Variants in RUSC1 observed in about 807,000 individuals in gnomAD.
RUSC1 encodes RUN and SH3 domain containing 1.
RUSC1 carries 40 observed loss-of-function variants against 72.1 expected under a neutral mutation model. That is an observed-to-expected ratio of 0.55 (90% CI 0.43 to 0.72). The LOEUF (loss-of-function observed/expected upper bound fraction) is 0.72. RUSC1 is among the 30% of genes least tolerant of loss of function. The probability of loss-of-function intolerance (pLI) is 0.00; values close to 1 mark genes in which losing one functional copy is unlikely to be tolerated. For missense variants in RUSC1, 1,092 were observed against 1,172.3 expected (o/e 0.93, Z 1.00); for synonymous variants, 512 against 494.2 (o/e 1.04, Z -0.48).
chr1:155,321,939 A>G lies in RUSC1; in HGVS notation c.166A>G (p.Ser56Gly). Reference protein sequence around the residue: ...TGGKESRGPCSGTLVDANSNS... With the variant: ...TGGKESRGPCGGTLVDANSNS... Reference sequence around the variant, plus strand: ...GGGCAAGGAGAGCAGGGGCCCCTGCAGTGGCACCCTGGTGGACGCCAATTC... The same window carrying G: ...GGGCAAGGAGAGCAGGGGCCCCTGCGGTGGCACCCTGGTGGACGCCAATTC... The change falls in exon 2 of 10, where the codon AGT becomes GGT. Residue 56 changes from serine to glycine, a missense_variant. Coordinates refer to ENST00000368352, the MANE Select transcript of RUSC1 (RefSeq NM_001105203.2). The G allele has an allele frequency of 6.2e-7, 1 of 1,604,304 alleles. No individual in the cohort carries two copies. Among genetic ancestry groups the G allele is most frequent in the Non-Finnish European group, 8.5e-7 (1 of 1,175,328 alleles).
chr1:155,322,973 G>GGCC lies in RUSC1; in HGVS notation c.1200_1201insGCC (p.Arg400_Pro401insAla). The GGCC allele has an allele frequency of 1.4e-6, 2 of 1,463,516 alleles. No individual in the cohort carries two copies. Among genetic ancestry groups the GGCC allele is most frequent in the Non-Finnish European group, 1.8e-6 (2 of 1,088,414 alleles). 90.7% of individuals were successfully genotyped at this position (1,463,516 alleles called of 1,614,324 possible). ...TTGGCTGGGCTTTGGTCCCGCCCCG[G>GGCC]CCCCCACCCCCGCCTGTCCCTCCCC... On this transcript the variant is annotated inframe_insertion, in exon 2 of 10. Coordinates refer to ENST00000368352, the MANE Select transcript of RUSC1 (RefSeq NM_001105203.2).
At position 155,325,373 on chromosome 1, in the gene RUSC1, C is replaced by T; in HGVS notation, c.1591C>T (p.Leu531Phe). The T allele has an allele frequency of 6.3e-7, 1 of 1,595,698 alleles. No homozygotes were observed. Among genetic ancestry groups the T allele is most frequent in the Non-Finnish European group, 8.5e-7 (1 of 1,175,356 alleles). Residue 531 changes from leucine to phenylalanine, a missense_variant, in exon 5 of 10, where the codon CTC becomes TTC. Physicochemically the swap from Leu to Phe is conservative, Grantham distance 22 (BLOSUM62 0). Coordinates refer to ENST00000368352, the MANE Select transcript of RUSC1 (RefSeq NM_001105203.2). This position sits in a 1 kb window ranked among gnomAD's most constrained non-coding sequence, Gnocchi z 6.5. ...TGTGGGGCACCTGGTGCTGACCACC[C>T]TCTGCCCGGCCCTCCACGCCCTGGT... ...PDVGHLVLTT[L>F]CPALHALVAD...
At chr1:155,328,300 C>T (rs772855524) in intron 9 of RUSC1, 25 bp downstream of exon 9, 16 of 1,592,962 alleles carry the variant, frequency 1.0e-5, no homozygotes, top group Non-Finnish European at 1.3e-5. Context: ...GGAGAATGCA[C>T]TAGTGTGTAA....
intron 2 of RUSC1, chr1:155,323,848 C>T (rs1570893391): frequency 1.1e-6 from 1 of 931,646 alleles, no homozygotes; most frequent in Non-Finnish European, 1.3e-6. Context: ...CGGGCCACGC[C>T]TCAGGCGGGC....
intron 9 of RUSC1, among the ~76,000 whole-genome samples, chr1:155,329,956 A>G (rs1464425338): frequency 1.6e-3 from 222 of 143,168 alleles, no homozygotes; most frequent in Non-Finnish European, 2.9e-3. Context: ...GTCTCAAGAA[A>G]AAAAAAAAAA....
rs1651901603 is a variant in RUSC1, at chr1:155,330,483, T to C, written c.2621T>C (p.Ile874Thr). ...CGGCGTGGGGAAGTGCTGCGTGTCA[T>C]CACCACAGTGGATGAGGACTGGCTC... ...SFRRGEVLRV[I>T]TTVDEDWLRC... Residue 874 changes from isoleucine to threonine, a missense_variant, in exon 10 of 10, where the codon ATC becomes ACC. Coordinates refer to ENST00000368352, the MANE Select transcript of RUSC1 (RefSeq NM_001105203.2). 6.2e-7 allele frequency: 1 copy of C among 1,613,968 alleles called. No homozygotes were observed. Among genetic ancestry groups the C allele is most frequent in the South Asian group, 1.1e-5 (1 of 91,070 alleles).
chr1:155,330,975 A>G lies in RUSC1; in HGVS notation c.*404A>G, dbSNP rs1334925612. The G allele has an allele frequency of 6.0e-6, 1 of 167,094 alleles. No homozygotes were observed. Among genetic ancestry groups the G allele is most frequent in the Admixed American group, 5.5e-5 (1 of 18,178 alleles). The allele number at this position is 167,094 out of a possible 1,614,324, so 10.4% of individuals were successfully genotyped here. On this transcript the variant is annotated 3_prime_UTR_variant, in exon 10 of 10. Coordinates refer to ENST00000368352, the MANE Select transcript of RUSC1 (RefSeq NM_001105203.2). ...TCCTGTGTGGAATCTTCCCCACTCC[A>G]TCCCTCCCAAGTTGCCTGTATTGAT...
chr1:155,323,199 G>A, intron 2 of RUSC1, 69 bp downstream of exon 2: 2 of 1,370,528 alleles, frequency 1.5e-6, no homozygotes, highest in Non-Finnish European at 1.9e-6. Flanking sequence ...CTTCCAACCC[G>A]GCCCCCTGTC....
In RUSC1 at chr1:155,328,294, A is replaced by G. The variant is rs1360020367; in HGVS notation, c.2540+19A>G. On this transcript the variant is annotated intron_variant, in intron 9 of 9. Transcript: ENST00000368352. The stretch of plus-strand genomic sequence containing the variant: ...CCCATAGGTAAGGAGGATTGGGGAG[A>G]ATGCACTAGTGTGTAACCATGTATG... 1.3e-6 allele frequency: 2 copies of G among 1,597,956 alleles called. No homozygotes were observed. Among genetic ancestry groups the G allele is most frequent in the Non-Finnish European group, 1.7e-6 (2 of 1,171,100 alleles).
At chr1:155,323,923 G>A (rs1287987974) in intron 2 of RUSC1, 4 of 989,958 alleles carry the variant, frequency 4.0e-6, no homozygotes, top group Admixed American at 6.1e-5. Context: ...GCTTAGTCCC[G>A]CCCTTCAGTT....
Position 155,321,715 on chromosome 1 carries a change from G to A in RUSC1, c.-59G>A, listed in dbSNP as rs1650548695. On this transcript the variant is annotated 5_prime_UTR_variant, in exon 2 of 10. Transcript: ENST00000368352. ...CTGCACCTGTGGTTGCCAGGTAGGT[G>A]GATGTGAGAGACCCTACCCTTCTGG... is the stretch of plus-strand genomic sequence containing the variant. 6.3e-7 allele frequency: 1 copy of A among 1,597,432 alleles called. No individual in the cohort carries two copies. Among genetic ancestry groups the A allele is most frequent in the Non-Finnish European group, 8.6e-7 (1 of 1,168,768 alleles).
In RUSC1 at chr1:155,321,734, C is replaced by G. The variant is rs1244566238; in HGVS notation, c.-40C>G. 1.2e-6 allele frequency: 2 copies of G among 1,611,296 alleles called. No homozygotes were observed. Among genetic ancestry groups the G allele is most frequent in the Non-Finnish European group, 1.7e-6 (2 of 1,178,272 alleles). ...GTAGGTGGATGTGAGAGACCCTACCCTTCTGGTTCTCTAGAAGCCATCCCA... is the reference window on the plus strand; with the variant it reads ...GTAGGTGGATGTGAGAGACCCTACCGTTCTGGTTCTCTAGAAGCCATCCCA... On this transcript the variant is annotated 5_prime_UTR_variant, in exon 2 of 10. Coordinates refer to ENST00000368352, the MANE Select transcript of RUSC1 (RefSeq NM_001105203.2).
At chr1:155,328,591 G>A (rs1056858496) in intron 9 of RUSC1, among the ~76,000 whole-genome samples, 7 of 151,082 alleles carry the variant, frequency 4.6e-5, no homozygotes, top group Admixed American at 1.3e-4. Context: ...CACCATGCCC[G>A]TTTAAGTTTT....
In RUSC1 at chr1:155,325,760, C is replaced by A; in HGVS notation, c.1814+88C>A. On this transcript the variant is annotated intron_variant, in intron 6 of 9. Transcript: ENST00000368352. The surrounding 1 kb of genome is among the most constrained non-coding windows in gnomAD (Gnocchi z 6.5). ...GACACAGTAGTAGTGCCTCACATCC[C>A]CAGAGAAGGCCCCCCCTCTTCCAAT... 6.3e-7 allele frequency: 1 copy of A among 1,578,846 alleles called. No individual in the cohort carries two copies. Among genetic ancestry groups the A allele is most frequent in the African/African-American group, 1.3e-5 (1 of 74,094 alleles).
rs1445969384 is a variant in RUSC1, at chr1:155,324,911, G to A, written c.1424G>A (p.Ser475Asn). The A allele has an allele frequency of 6.2e-7, 1 of 1,614,234 alleles. No homozygotes were observed. The highest frequency in any genetic ancestry group is 1.1e-5 in the South Asian group (1 of 91,090). Residue 475 changes from serine to asparagine, a missense_variant, in exon 3 of 10, where the codon AGT becomes AAT. Ser to Asn is a conservative substitution (Grantham distance 46). Transcript: ENST00000368352. Reference protein sequence around the residue: ...AQRLWMAEAQSGTGQLQEQKK... With the variant: ...AQRLWMAEAQNGTGQLQEQKK... ...CGGCTGTGGATGGCAGAAGCCCAGAGTGGGACTGGTCAGCTGCAGGAGCAG... is the reference window on the plus strand; with the variant it reads ...CGGCTGTGGATGGCAGAAGCCCAGAATGGGACTGGTCAGCTGCAGGAGCAG...
chr1:155,325,314 A>G lies in RUSC1; in HGVS notation c.1534-2A>G, dbSNP rs1292756587. On this transcript the variant is annotated splice_acceptor_variant, in intron 4 of 9. Transcript: ENST00000368352. LOFTEE classifies it high-confidence loss of function. This position sits in a 1 kb window ranked among gnomAD's most constrained non-coding sequence, Gnocchi z 6.5. ...GAGCCATCGGCATCGCGCCACCTCC[A>G]GGCCCAGTTGGGTGATAGCCGGCTG... The G allele has an allele frequency of 6.2e-7, 1 of 1,603,198 alleles. No homozygotes were observed. Among genetic ancestry groups the G allele is most frequent in the East Asian group, 2.2e-5 (1 of 44,818 alleles).
At position 155,322,614 on chromosome 1, in the gene RUSC1, A is replaced by G; in HGVS notation, c.841A>G (p.Thr281Ala). 1 of 1,614,262 alleles carries G rather than the reference A, an allele frequency of 6.2e-7. No individual in the cohort carries two copies. Among genetic ancestry groups the G allele is most frequent in the Non-Finnish European group, 8.5e-7 (1 of 1,180,052 alleles). Residue 281 changes from threonine (T) to alanine (A), a missense_variant, in exon 2 of 10, where the codon ACA (threonine) becomes GCA (alanine). Coordinates refer to ENST00000368352, the MANE Select transcript of RUSC1 (RefSeq NM_001105203.2). ...EKFDSGWKTN[T>A]RITDSGSKTD... Reference sequence around the variant, plus strand: ...ATTCGACTCTGGTTGGAAAACCAACACAAGAATAACTGATTCTGGCTCGAA... The same window carrying G: ...ATTCGACTCTGGTTGGAAAACCAACGCAAGAATAACTGATTCTGGCTCGAA...
At position 155,325,119 on chromosome 1, in the gene RUSC1, A is replaced by AGG; in HGVS notation, c.1475_1476insGG (p.Ser492ArgfsTer29). The AGG allele has an allele frequency of 6.2e-7, 1 of 1,614,228 alleles. No individual in the cohort carries two copies. Among genetic ancestry groups the AGG allele is most frequent in the Non-Finnish European group, 8.5e-7 (1 of 1,180,036 alleles). On this transcript the variant is annotated frameshift_variant, in exon 4 of 10. Transcript: ENST00000368352. LOFTEE classifies it high-confidence loss of function. The surrounding 1 kb of genome is among the most constrained non-coding windows in gnomAD (Gnocchi z 6.5). ...CCTCCCAGGTCTTCTGATAGCCGTC[A>AGG]GCGTCTCCGTTGATAAAATCATCTC...
chr1:155,326,857 T>C lies in RUSC1; in HGVS notation c.2139T>C (p.Ala713=), dbSNP rs1651471833. 6.2e-7 allele frequency: 1 copy of C among 1,613,620 alleles called. No individual in the cohort carries two copies. Among genetic ancestry groups the C allele is most frequent in the South Asian group, 1.1e-5 (1 of 91,092 alleles). ...AQSLRGTSKE[A]ASDPSDSPNL... ...GCCTTCGGGGGACTTCCAAGGAAGC[T>C]GCTTCAGACCCCTCTGACTCTCCAA... is the stretch of plus-strand genomic sequence containing the variant. Residue 713 remains alanine (A), a synonymous_variant, in exon 8 of 10, where the codon GCT becomes GCC. Transcript: ENST00000368352. The surrounding 1 kb of genome is among the most constrained non-coding windows in gnomAD (Gnocchi z 4.7).
Sources: allele counts gnomAD v4.1 joint callset (sites outside exome capture counted in the v4.1 genomes callset), GRCh38; gene constraint gnomAD v4.1.1; non-coding constraint Gnocchi (gnomAD v3.1); transcripts MANE v1.5; gene names NCBI Gene and HGNC (gene_info 2026-07-23, HGNC 2026-07-21).